DNAH5: variants seen among roughly 807,000 people sequenced by gnomAD.
DNAH5 encodes the protein dynein axonemal heavy chain 5, also known as axonemal beta dynein heavy chain 5.
DNAH5 carries 372 observed loss-of-function variants against 518.2 expected under a neutral mutation model. The ratio of observed to expected loss-of-function variants is 0.72; its 90% CI spans 0.66 to 0.78. The LOEUF (loss-of-function observed/expected upper bound fraction) is 0.78. Ranked by LOEUF, DNAH5 falls within the 30% of genes least tolerant of loss-of-function variation. The probability of loss-of-function intolerance (pLI) is 0.00; values close to 1 mark genes in which losing one functional copy is unlikely to be tolerated. For missense variants in DNAH5, 5,523 were observed against 5,687.0 expected (o/e 0.97, Z 0.93); for synonymous variants, 2,039 against 2,025.9 (o/e 1.01, Z -0.17).
intron 41 of DNAH5, among the ~76,000 whole-genome samples, chr5:13,818,043 G>A (rs1164748247): frequency 6.6e-6 from 1 of 152,018 alleles, no homozygotes; most frequent in Middle Eastern, 3.2e-3. Flanking sequence ...TAAATCTTCT[G>A]CCTGAAATAT....
chr5:14,009,602 T>A (rs1247134934), intron 1 of DNAH5, among the ~76,000 whole-genome samples: 2 of 151,984 alleles, frequency 1.3e-5, no homozygotes, highest in African/African-American at 2.4e-5. Context: ...CTAGTGGCAC[T>A]AACCTGCCAA....
In DNAH5 at chr5:13,721,036, G is replaced by C; in HGVS notation, c.12243C>G (p.Val4081=). 1 of 1,614,084 alleles carries C rather than the reference G, an allele frequency of 6.2e-7. No individual in the cohort carries two copies. Among genetic ancestry groups the C allele is most frequent in the Non-Finnish European group, 8.5e-7 (1 of 1,179,986 alleles). ...TCTGCTGCAAGAGCTTCCGAGCATG[G>C]ACTTCCTGGCCCTGGCCCATGGACA... ...RYVSMGQGQE[V]HARKLLQQTM... is the part of the protein sequence containing the mutation. The change falls in exon 71 of 79, where the codon GTC becomes GTG. Residue 4081 remains valine (V), a synonymous_variant. Coordinates refer to ENST00000265104, the MANE Select transcript of DNAH5 (RefSeq NM_001369.3).
At chr5:13,720,913 C>T (rs1243049639) in intron 71 of DNAH5, 87 bp downstream of exon 71, 3 of 1,578,492 alleles carry the variant, frequency 1.9e-6, no homozygotes, top group Middle Eastern at 1.8e-4. Context: ...ATTTAAACTC[C>T]TAATGATTTA....
At chr5:13,733,054 T>G (rs1035668083) in intron 68 of DNAH5, among the ~76,000 whole-genome samples, 1 of 152,134 alleles carries the variant, frequency 6.6e-6, no homozygotes, top group Non-Finnish European at 1.5e-5. Flanking sequence ...CTAATCAAAA[T>G]ATCTAAAGTG....
chr5:13,862,986 A>T (rs1483316217), intron 28 of DNAH5, among the ~76,000 whole-genome samples: 3 of 152,130 alleles, frequency 2.0e-5, no homozygotes, highest in African/African-American at 7.2e-5. Context: ...TAATTTATAA[A>T]ATTTCCCAGC....
Position 13,829,633 on chromosome 5 carries a change from C to A in DNAH5, c.6321G>T (p.Met2107Ile), listed in dbSNP as rs1298487768. ...LKINFRSVAM[M>I]VPDRQIIIRV... is the part of the protein sequence containing the mutation. ...TTATGATAATCTGACGGTCAGGCAC[C>A]ATCATGGCCACTGAGCGGAAATTAA... is the stretch of plus-strand genomic sequence containing the variant. Residue 2107 changes from methionine (M) to isoleucine (I), a missense_variant, in exon 38 of 79, where the codon ATG becomes ATT. Met to Ile is a conservative substitution (Grantham distance 10, BLOSUM62 1). Around this residue, in one of 3 missense-constraint regions of DNAH5, gnomAD observed 5,121 missense variants for 5,223.3 expected, o/e 0.98. Coordinates refer to ENST00000265104, the MANE Select transcript of DNAH5 (RefSeq NM_001369.3). The A allele has an allele frequency of 2.5e-6, 4 of 1,614,190 alleles. No individual in the cohort carries two copies. The highest frequency in any genetic ancestry group is 3.4e-6 in the Non-Finnish European group (4 of 1,180,030).
chr5:13,820,345 C>A lies in DNAH5; in HGVS notation c.6841+1G>T. 1 of 1,609,124 alleles carries A rather than the reference C, an allele frequency of 6.2e-7. No individual in the cohort carries two copies. The highest frequency in any genetic ancestry group is 8.5e-7 in the Non-Finnish European group (1 of 1,179,992). On this transcript the variant is annotated splice_donor_variant, in intron 41 of 78. Coordinates refer to ENST00000265104, the MANE Select transcript of DNAH5 (RefSeq NM_001369.3). LOFTEE classifies it high-confidence loss of function. Reference sequence around the variant, plus strand: ...AGGCATTGACCTTGGCTGCCCTGTACCTGTCATGGCTCTCATCAAGGTGTG... The same window carrying A: ...AGGCATTGACCTTGGCTGCCCTGTAACTGTCATGGCTCTCATCAAGGTGTG...
intron 60 of DNAH5, among the ~76,000 whole-genome samples, chr5:13,761,245 T>C (rs967411684): frequency 1.3e-5 from 2 of 152,180 alleles, no homozygotes; most frequent in Non-Finnish European, 2.9e-5. Context: ...GTACTTAAAA[T>C]GACAACAATA....
intron 1 of DNAH5, among the ~76,000 whole-genome samples, chr5:13,959,715 C>A (rs1370157727): frequency 1.3e-5 from 2 of 152,216 alleles, no homozygotes; most frequent in African/African-American, 4.8e-5. Flanking sequence ...CACCTGTAAT[C>A]CCAGCACTTT....
In DNAH5 at chr5:13,714,636, C is replaced by A. The variant is rs538961013; in HGVS notation, c.12910-16G>T. 6 of 1,612,708 alleles carry A rather than the reference C, an allele frequency of 3.7e-6. No homozygotes were observed. The South Asian group carries it at 6.6e-5, about 18-fold the overall frequency. On this transcript the variant is annotated splice_polypyrimidine_tract_variant and intron_variant, in intron 74 of 78. Transcript: ENST00000265104. The stretch of plus-strand genomic sequence containing the variant: ...CAGGCAAACTCTGAACAACAGACAC[C>A]CCAGATAAGCACAGACTGCCAACAT...
chr5:13,953,364 G>A (rs1328419119), intron 1 of DNAH5, among the ~76,000 whole-genome samples: 1 of 152,128 alleles, frequency 6.6e-6, no homozygotes. Context: ...AGAATTGTCA[G>A]CTTCCTGATT....
chr5:13,784,787 G>A (rs1246901113), intron 52 of DNAH5, among the ~76,000 whole-genome samples: 1 of 152,120 alleles, frequency 6.6e-6, no homozygotes, highest in Non-Finnish European at 1.5e-5. Context: ...ATCAACAATG[G>A]ATTTTTACAT....
Position 13,920,371 on chromosome 5 carries a change from T to G in DNAH5, c.798+109A>C, listed in dbSNP as rs375273987. On this transcript the variant is annotated intron_variant, in intron 6 of 78. Transcript: ENST00000265104. ...TTGGACCTCTCACCTCCTCAAGGAT[T>G]TACAGTAAAACGCTTAACAAATGGA... The G allele has an allele frequency of 1.4e-3, 1,983 of 1,458,680 alleles. 37 individuals carry two copies. In the South Asian group the frequency reaches 0.02, roughly 15 times the overall value. 90.4% of individuals were successfully genotyped at this position (1,458,680 alleles called of 1,614,324 possible).
intron 35 of DNAH5, among the ~76,000 whole-genome samples, chr5:13,838,332 G>A (rs1023016275): frequency 6.6e-6 from 1 of 152,182 alleles, no homozygotes; most frequent in Non-Finnish European, 1.5e-5. Flanking sequence ...TAGGAACCGG[G>A]CCACACAGCA....
intron 32 of DNAH5, among the ~76,000 whole-genome samples, chr5:13,843,293 A>G (rs1765531857): frequency 6.6e-6 from 1 of 152,098 alleles, no homozygotes; most frequent in African/African-American, 2.4e-5. Context: ...AATGTTTCTG[A>G]AACACAAATC....
At chr5:13,891,641 AC>A (rs755972515) in intron 16 of DNAH5, among the ~76,000 whole-genome samples, 34 of 152,008 alleles carry the variant, frequency 2.2e-4, no homozygotes, top group Non-Finnish European at 3.4e-4. Context: ...CGGATTGTCT[AC>A]CCATGTGTCT....
At chr5:14,005,000 T>C (rs1354723799) in intron 1 of DNAH5, among the ~76,000 whole-genome samples, 2 of 152,182 alleles carry the variant, frequency 1.3e-5, no homozygotes, top group African/African-American at 4.8e-5. Flanking sequence ...AGGCAGCTCA[T>C]ATTTCAAGGA....
chr5:13,826,955 T>C (rs531989589), intron 38 of DNAH5, among the ~76,000 whole-genome samples: 1 of 152,304 alleles, frequency 6.6e-6, no homozygotes, highest in East Asian at 1.9e-4. Flanking sequence ...TGAATGGCTT[T>C]GAGCAAAACA....
At chr5:13,799,747 G>C (rs957306576) in intron 47 of DNAH5, among the ~76,000 whole-genome samples, 1 of 152,130 alleles carries the variant, frequency 6.6e-6, no homozygotes, top group Non-Finnish European at 1.5e-5. Context: ...AATGTTTTCA[G>C]ATTTGGGAAT....
Sources: allele counts gnomAD v4.1 joint callset (sites outside exome capture counted in the v4.1 genomes callset), GRCh38; gene constraint gnomAD v4.1.1; regional missense constraint gnomAD v4.1.1; transcripts MANE v1.5; gene names NCBI Gene and HGNC (gene_info 2026-07-23, HGNC 2026-07-21).